Variants in CEP192 observed in about 807,000 individuals in gnomAD.
CEP192 encodes centrosomal protein 192.
CEP192 carries 151 observed loss-of-function variants against 271.8 expected under a neutral mutation model. The ratio of observed to expected loss-of-function variants is 0.56; its 90% CI spans 0.49 to 0.64. CEP192 has a LOEUF of 0.64. CEP192 is among the 30% of genes least tolerant of loss of function. The pLI, the probability that CEP192 is intolerant of heterozygous loss-of-function variation, is 0.00. For missense variants in CEP192, 2,910 were observed against 3,020.5 expected (o/e 0.96, Z 0.86); for synonymous variants, 995 against 1,076.5 (o/e 0.92, Z 1.48).
At chr18:13,119,601 G>T (rs183648037) in intron 44 of CEP192, among the ~76,000 whole-genome samples, 1 of 152,234 alleles carries the variant, frequency 6.6e-6, no homozygotes, top group Admixed American at 6.5e-5. Flanking sequence ...AATTAGCCAC[G>T]CATGGTGGCA....
chr18:13,106,751 C>T lies in CEP192; in HGVS notation c.7047+1672C>T, dbSNP rs546865492. Among the ~76,000 whole-genome samples, 217 of 151,956 alleles carry T rather than the reference C, an allele frequency of 1.4e-3. 1 individual carries two copies. Among genetic ancestry groups the T allele is most frequent in the Non-Finnish European group, 2.4e-3 (166 of 67,910 alleles). Reference sequence around the variant, plus strand: ...TTACAACCACACCCCACACAGCTACCACCACCACCACCACCACTGACAACT... The same window carrying T: ...TTACAACCACACCCCACACAGCTACTACCACCACCACCACCACTGACAACT... On this transcript the variant is annotated intron_variant, in intron 40 of 44. Coordinates refer to ENST00000506447, the MANE Select transcript of CEP192 (RefSeq NM_032142.4).
intron 30 of CEP192, among the ~76,000 whole-genome samples, chr18:13,086,274 T>A (rs941492162): frequency 3.3e-5 from 5 of 152,198 alleles, no homozygotes; most frequent in Non-Finnish European, 7.3e-5. Flanking sequence ...ATTAAGGAGA[T>A]TTTGGACTGA....
At chr18:13,009,035 T>G (rs2034171249) in intron 4 of CEP192, among the ~76,000 whole-genome samples, 1 of 133,026 alleles carries the variant, frequency 7.5e-6, no homozygotes, top group East Asian at 2.2e-4. Flanking sequence ...TTTTTTTGCT[T>G]AATTTTGAGA....
At chr18:13,068,281 T>G in intron 23 of CEP192, 44 bp downstream of exon 23, 1 of 1,605,826 alleles carries the variant, frequency 6.2e-7, no homozygotes, top group African/African-American at 1.3e-5. Flanking sequence ...ATTAAGCTTC[T>G]AAACCTCTTT....
chr18:13,004,592 G>A (rs949134683), intron 3 of CEP192, among the ~76,000 whole-genome samples: 4 of 152,164 alleles, frequency 2.6e-5, no homozygotes, highest in Admixed American at 2.6e-4. Context: ...AGTAGGGTTA[G>A]TGAAGTAGGA....
intron 5 of CEP192, among the ~76,000 whole-genome samples, chr18:13,014,183 G>A (rs1257277246): frequency 6.6e-6 from 1 of 152,192 alleles, no homozygotes; most frequent in African/African-American, 2.4e-5. Context: ...TCAAGTGCGA[G>A]AGATGCTTTG....
chr18:13,020,722 T>C (rs1387809954), intron 9 of CEP192, among the ~76,000 whole-genome samples: 1 of 152,232 alleles, frequency 6.6e-6, no homozygotes, highest in Non-Finnish European at 1.5e-5. Context: ...TTTTTCCACA[T>C]CCTATTTAAC....
intron 21 of CEP192, among the ~76,000 whole-genome samples, chr18:13,066,151 A>G (rs2037687886): frequency 6.6e-6 from 1 of 152,246 alleles, no homozygotes; most frequent in African/African-American, 2.4e-5. Context: ...TTAAATGCTC[A>G]TCTTTTCCTT....
At chr18:13,014,706 A>C (rs937040404) in intron 5 of CEP192, among the ~76,000 whole-genome samples, 4 of 152,148 alleles carry the variant, frequency 2.6e-5, no homozygotes, top group Non-Finnish European at 5.9e-5. Flanking sequence ...GTCCTCTCTA[A>C]ATGTAAAATT....
intron 4 of CEP192, among the ~76,000 whole-genome samples, chr18:13,010,959 G>A (rs1343102420): frequency 6.6e-6 from 1 of 152,076 alleles, no homozygotes; most frequent in African/African-American, 2.4e-5. Context: ...GGGCACAATG[G>A]TTCATGCCTG....
chr18:13,008,919 G>A (rs1599050874), intron 4 of CEP192, among the ~76,000 whole-genome samples: 1 of 151,892 alleles, frequency 6.6e-6, no homozygotes, highest in Middle Eastern at 3.5e-3. Flanking sequence ...TGTTGCCCAG[G>A]CTGGGCTCGA....
At position 13,049,037 on chromosome 18, in the gene CEP192, C is replaced by G. The variant is rs760529335; in HGVS notation, c.2246C>G (p.Thr749Ser). 1 of 1,614,084 alleles carries G rather than the reference C, an allele frequency of 6.2e-7. No homozygotes were observed. The highest frequency in any genetic ancestry group is 1.1e-5 in the South Asian group (1 of 91,080). The change falls in exon 16 of 45, where the codon ACT becomes AGT. Residue 749 changes from threonine to serine, a missense_variant. By Grantham distance (58) the Thr-to-Ser change is moderately conservative (BLOSUM62 1). Coordinates refer to ENST00000506447, the MANE Select transcript of CEP192 (RefSeq NM_032142.4). ...CTTTCAAATAAAACCAGAGACAAGA[C>G]TTTTCAGGAAGATGAGAAACAAAAG... ...KALSNKTRDK[T>S]FQEDEKQKDY...
Position 13,001,439 on chromosome 18 carries a change from C to A in CEP192, c.165-18C>A. 6.6e-7 allele frequency: 1 copy of A among 1,512,774 alleles called. No individual in the cohort carries two copies. Among genetic ancestry groups the A allele is most frequent in the Non-Finnish European group, 8.9e-7 (1 of 1,120,052 alleles). 93.7% of individuals were successfully genotyped at this position (1,512,774 alleles called of 1,614,324 possible). A position where few individuals can be genotyped will look rare whatever the true frequency, so the allele number is the denominator to read the frequency against. On this transcript the variant is annotated intron_variant, in intron 2 of 44. Coordinates refer to ENST00000506447, the MANE Select transcript of CEP192 (RefSeq NM_032142.4). ...GTAATTTAATTCTTAACAATTAAAACAAATTTTTTTTGTATAGGTATCCTG... is the reference window on the plus strand; with the variant it reads ...GTAATTTAATTCTTAACAATTAAAAAAAATTTTTTTTGTATAGGTATCCTG...
chr18:13,100,379 T>A lies in CEP192; in HGVS notation c.6738T>A (p.Phe2246Leu), dbSNP rs781673755. 2 of 1,614,110 alleles carry A rather than the reference T, an allele frequency of 1.2e-6. No individual in the cohort carries two copies. Among genetic ancestry groups the A allele is most frequent in the South Asian group, 1.1e-5 (1 of 91,080 alleles). The change falls in exon 38 of 45, where the codon TTT becomes TTA. Residue 2246 changes from phenylalanine (F) to leucine (L), a missense_variant. Phe to Leu is a conservative substitution (Grantham distance 22, BLOSUM62 0). Coordinates refer to ENST00000506447, the MANE Select transcript of CEP192 (RefSeq NM_032142.4). Reference protein sequence around the residue: ...ELLTRLTSKPFGILSPVSEPS... With the variant: ...ELLTRLTSKPLGILSPVSEPS... ...TAACTCGTTTGACCTCCAAACCATT[T>A]GGAATTCTTTCCCCAGTATCTGAGC...
chr18:13,001,503 G>C lies in CEP192; in HGVS notation c.211G>C (p.Val71Leu). 2 of 1,550,742 alleles carry C rather than the reference G, an allele frequency of 1.3e-6. No homozygotes were observed. Among genetic ancestry groups the C allele is most frequent in the Non-Finnish European group, 8.7e-7 (1 of 1,146,352 alleles). Residue 71 changes from valine to leucine, a missense_variant, in exon 3 of 45, where the codon GTT becomes CTT. Transcript: ENST00000506447. ...TTACTTAGTAGAAGGGAGATTTTCA[G>C]TTCCATCCGGGTCATCTCCCGGAAG... ...ASYLVEGRFS[V>L]PSGSSPGSQS...
Position 13,001,503 on chromosome 18 carries a change from G to T in CEP192, c.211G>T (p.Val71Phe). The change falls in exon 3 of 45, where the codon GTT becomes TTT. Residue 71 changes from valine (V) to phenylalanine (F), a missense_variant. By Grantham distance (50) the Val-to-Phe change is conservative (BLOSUM62 -1). Transcript: ENST00000506447. ...ASYLVEGRFSVPSGSSPGSQS... is the reference protein window; with the variant it reads ...ASYLVEGRFSFPSGSSPGSQS... Reference sequence around the variant, plus strand: ...TTACTTAGTAGAAGGGAGATTTTCAGTTCCATCCGGGTCATCTCCCGGAAG... The same window carrying T: ...TTACTTAGTAGAAGGGAGATTTTCATTTCCATCCGGGTCATCTCCCGGAAG... 6.4e-7 allele frequency: 1 copy of T among 1,550,742 alleles called. No homozygotes were observed. The highest frequency in any genetic ancestry group is 1.2e-5 in the South Asian group (1 of 83,992).
chr18:13,072,765 C>G lies in CEP192; in HGVS notation c.5359C>G (p.Leu1787Val), dbSNP rs1175397013. 1 of 1,602,842 alleles carries G rather than the reference C, an allele frequency of 6.2e-7. No individual in the cohort carries two copies. The highest frequency in any genetic ancestry group is 1.7e-5 in the Admixed American group (1 of 59,936). Residue 1787 changes from leucine to valine, a missense_variant, in exon 29 of 45, where the codon CTA (leucine) becomes GTA (valine). Transcript: ENST00000506447. ...TCTAATTGTTTTTAGGCTTCAGAAA[C>G]TAGCTTTAAGAAATAATTCTGCATC... is the stretch of plus-strand genomic sequence containing the variant. ...VPLGRTQLQK[L>V]ALRNNSASTT...
intron 15 of CEP192, among the ~76,000 whole-genome samples, chr18:13,046,744 C>T (rs1008029540): frequency 2.6e-5 from 4 of 151,290 alleles, no homozygotes; most frequent in Non-Finnish European, 5.9e-5. Flanking sequence ...ATATTTAACC[C>T]AATAAGACAT....
In CEP192 at chr18:13,007,759, A is replaced by G. The variant is rs143716879; in HGVS notation, c.291-697A>G. On this transcript the variant is annotated intron_variant, in intron 3 of 44. Transcript: ENST00000506447. ...GGTTGGAGAGTTGCCTCAGGCATGA[A>G]AGGTTGGGATTTGAGAAATATGGAA... 5.9e-5 allele frequency among the ~76,000 whole-genome samples: 9 copies of G among 152,290 alleles called. No individual in the cohort carries two copies. In the East Asian group the frequency reaches 1.7e-3, roughly 29 times the overall value.
Sources: gnomAD v4.1 joint callset for allele counts (sites outside exome capture counted in the v4.1 genomes callset) on GRCh38, gnomAD v4.1.1 for gene constraint, MANE v1.5 for transcripts, NCBI Gene and HGNC (gene_info 2026-07-23, HGNC 2026-07-21) for gene names.